Variants in ZBTB8OS observed in about 807,000 individuals in gnomAD.
ZBTB8OS encodes tRNA-splicing ligase-activating factor archease.
ZBTB8OS carries 16 observed loss-of-function variants against 29.3 expected under a neutral mutation model. That is an observed-to-expected ratio of 0.55 (90% CI 0.37 to 0.83). The LOEUF (loss-of-function observed/expected upper bound fraction) is 0.83. ZBTB8OS is among the 40% of genes least tolerant of loss of function. ZBTB8OS has a pLI of 0.00. For missense variants in ZBTB8OS, 160 were observed against 196.9 expected (o/e 0.81, Z 1.12); for synonymous variants, 70 against 64.6 (o/e 1.08, Z -0.40).
chr1:32,630,509 C>T (rs919796517), intron 5 of ZBTB8OS, among the ~76,000 whole-genome samples: 2 of 152,040 alleles, frequency 1.3e-5, no homozygotes, highest in African/African-American at 2.4e-5. Context: ...GCCATGATTA[C>T]ACCACTGCAC....
In ZBTB8OS at chr1:32,631,305, T is replaced by C. The variant is rs189581073; in HGVS notation, c.380+522A>G. On this transcript the variant is annotated intron_variant, in intron 5 of 6. Transcript: ENST00000468695. ...AGGAGGCTGAAGCTGCAGTGAGCCA[T>C]GACCACACCACTGTACTCCAGCCTG... Among the ~76,000 whole-genome samples, 716 of 143,942 alleles carry C rather than the reference T, an allele frequency of 5.0e-3. 6 individuals are homozygous for C. Among genetic ancestry groups the C allele is most frequent in the Non-Finnish European group, 7.8e-3 (520 of 66,862 alleles). The allele number at this position is 143,942 out of a possible 152,430, so 94.4% of individuals were successfully genotyped here.
intron 1 of ZBTB8OS, among the ~76,000 whole-genome samples, chr1:32,638,936 A>T (rs1646199078): frequency 6.6e-6 from 1 of 151,964 alleles, no homozygotes. Context: ...AACAATAATA[A>T]TCATTCCATT....
intron 6 of ZBTB8OS, among the ~76,000 whole-genome samples, chr1:32,625,657 A>C (rs1048579811): frequency 3.3e-5 from 5 of 152,174 alleles, no homozygotes; most frequent in African/African-American, 1.2e-4. Context: ...GGATTGCTTG[A>C]GACTAGGAGT....
rs1450271926 is a variant in ZBTB8OS at position 32,620,857 on chromosome 1, CA to C, written c.*1004del. 1 of 152,126 alleles carries C rather than the reference CA, an allele frequency of 6.6e-6. No individual in the cohort carries two copies. Among genetic ancestry groups the C allele is most frequent in the Non-Finnish European group, 1.5e-5 (1 of 68,026 alleles). 9.4% of individuals were successfully genotyped at this position (152,126 alleles called of 1,614,324 possible). ...TCTCCTTTTATTCTCTAGTTATAAA[CA>C]TGTACTCACTTTCAAATAAAATTCT... On this transcript the variant is annotated 3_prime_UTR_variant, in exon 7 of 7. Coordinates refer to ENST00000468695, the MANE Select transcript of ZBTB8OS (RefSeq NM_178547.5).
intron 1 of ZBTB8OS, among the ~76,000 whole-genome samples, chr1:32,637,226 G>A (rs781339062): frequency 2.6e-4 from 40 of 151,966 alleles, no homozygotes; most frequent in Admixed American, 6.6e-4. Flanking sequence ...TCTGAGTAAC[G>A]TCGAGTTGTA....
At chr1:32,648,130 A>G (rs538266304) in intron 1 of ZBTB8OS, among the ~76,000 whole-genome samples, 1 of 152,366 alleles carries the variant, frequency 6.6e-6, no homozygotes, top group East Asian at 1.9e-4. Context: ...AAACAGTATA[A>G]TATGTTCAAC....
rs371680146 is a variant in ZBTB8OS at position 32,630,948 on chromosome 1, G to A, written c.380+879C>T. Among the ~76,000 whole-genome samples the A allele has an allele frequency of 5.3e-5, 8 of 152,166 alleles. No homozygotes were observed. The East Asian group carries it at 7.7e-4, about 15-fold the overall frequency. On this transcript the variant is annotated intron_variant, in intron 5 of 6. Coordinates refer to ENST00000468695, the MANE Select transcript of ZBTB8OS (RefSeq NM_178547.5). ...GAATCGCTTGAACCCAGGAGGTGGA[G>A]GTTGCAGTGAGCTGAGATCACACAC...
intron 6 of ZBTB8OS, 88 bp downstream of exon 6, chr1:32,627,420 T>C: frequency 8.4e-7 from 1 of 1,192,856 alleles, no homozygotes; most frequent in Non-Finnish European, 1.2e-6. Context: ...TTACACCAGT[T>C]AGAACTAACT....
At chr1:32,642,154 A>G (rs1646460157) in intron 1 of ZBTB8OS, among the ~76,000 whole-genome samples, 1 of 152,162 alleles carries the variant, frequency 6.6e-6, no homozygotes. Context: ...ACAAGATACA[A>G]CACAAGGAAG....
At chr1:32,628,119 T>G (rs1398601211) in intron 5 of ZBTB8OS, among the ~76,000 whole-genome samples, 1 of 128,418 alleles carries the variant, frequency 7.8e-6, no homozygotes, top group African/African-American at 3.0e-5. Flanking sequence ...CCGAAGCAGG[T>G]GGATCATCTG....
At chr1:32,628,468 C>A (rs752853635) in intron 5 of ZBTB8OS, among the ~76,000 whole-genome samples, 3 of 150,964 alleles carry the variant, frequency 2.0e-5, no homozygotes, top group Non-Finnish European at 2.9e-5. Context: ...GAAACTCTGT[C>A]TCTACTAAAA....
intron 4 of ZBTB8OS, among the ~76,000 whole-genome samples, chr1:32,632,727 A>G (rs2148366189): frequency 6.6e-6 from 1 of 152,352 alleles, no homozygotes; most frequent in East Asian, 1.9e-4. Context: ...ATATGAGTCA[A>G]AAGAATTTCT....
At chr1:32,648,910 C>T (rs374938726) in intron 1 of ZBTB8OS, among the ~76,000 whole-genome samples, 2 of 150,718 alleles carry the variant, frequency 1.3e-5, no homozygotes, top group African/African-American at 2.4e-5. Flanking sequence ...GTGATCCACC[C>T]GCCTCAACCT....
intron 1 of ZBTB8OS, among the ~76,000 whole-genome samples, chr1:32,642,531 G>A (rs1285175279): frequency 6.6e-6 from 1 of 150,700 alleles, no homozygotes; most frequent in African/African-American, 2.4e-5. Context: ...AAAAGAAATG[G>A]CCCGGCAAAG....
rs774179753 is a variant in ZBTB8OS, at chr1:32,650,533, T to G, written c.-4A>C. The G allele has an allele frequency of 3.1e-6, 5 of 1,614,178 alleles. No individual in the cohort carries two copies. The highest frequency in any genetic ancestry group is 3.3e-5 in the Admixed American group (2 of 60,010). On this transcript the variant is annotated 5_prime_UTR_variant, in exon 1 of 7. Coordinates refer to ENST00000468695, the MANE Select transcript of ZBTB8OS (RefSeq NM_178547.5). Reference sequence around the variant, plus strand: ...CATCTTCCTCTTCCTGCGCCATGACTGCAGGATTAGACACTCTACTTCCGC... The same window carrying G: ...CATCTTCCTCTTCCTGCGCCATGACGGCAGGATTAGACACTCTACTTCCGC...
Position 32,633,980 on chromosome 1 carries a change from G to C in ZBTB8OS, c.215C>G (p.Pro72Arg). ...GYMTDTGTVE[P>R]LQTVEVETQG... ...GGTTTCTACTTCTACTGTTTGGAGG[G>C]GCTCCACTGTCCCAGTATCTGTCAT... The change falls in exon 3 of 7, where the codon CCC becomes CGC. Residue 72 changes from proline to arginine, a missense_variant. By Grantham distance (103) the Pro-to-Arg change is moderately radical. Coordinates refer to ENST00000468695, the MANE Select transcript of ZBTB8OS (RefSeq NM_178547.5). 1.3e-6 allele frequency: 2 copies of C among 1,589,706 alleles called. No homozygotes were observed. Among genetic ancestry groups the C allele is most frequent in the Non-Finnish European group, 1.7e-6 (2 of 1,173,994 alleles).
chr1:32,621,161 G>A lies in ZBTB8OS; in HGVS notation c.*701C>T, dbSNP rs566726622. 1 of 152,182 alleles carries A rather than the reference G, an allele frequency of 6.6e-6. No homozygotes were observed. Among genetic ancestry groups the A allele is most frequent in the Non-Finnish European group, 1.5e-5 (1 of 68,048 alleles). The allele number at this position is 152,182 out of a possible 1,614,324, so 9.4% of individuals were successfully genotyped here. A position where few individuals can be genotyped will look rare whatever the true frequency, so the allele number is the denominator to read the frequency against. On this transcript the variant is annotated 3_prime_UTR_variant, in exon 7 of 7. Transcript: ENST00000468695. ...CATGCCTGTAATCGCAGTACCTTGG[G>A]AGGCCAAGGTGGGCGGATCACAAGG...
At position 32,641,941 on chromosome 1, in the gene ZBTB8OS, A is replaced by G. The variant is rs954877412; in HGVS notation, c.98-7149T>C. Among the ~76,000 whole-genome samples, 5 of 152,070 alleles carry G rather than the reference A, an allele frequency of 3.3e-5. No individual in the cohort carries two copies. In the East Asian group the frequency reaches 7.9e-4, roughly 24 times the overall value. Reference sequence around the variant, plus strand: ...GAGACTGTCTCAAACAAAACAAAACAAAACAAAACCTTTGTACATACTTCC... The same window carrying G: ...GAGACTGTCTCAAACAAAACAAAACGAAACAAAACCTTTGTACATACTTCC... On this transcript the variant is annotated intron_variant, in intron 1 of 6. Coordinates refer to ENST00000468695, the MANE Select transcript of ZBTB8OS (RefSeq NM_178547.5).
At chr1:32,643,977 G>C (rs1646638054) in intron 1 of ZBTB8OS, among the ~76,000 whole-genome samples, 1 of 151,810 alleles carries the variant, frequency 6.6e-6, no homozygotes, top group Non-Finnish European at 1.5e-5. Context: ...ATTAGCCGGC[G>C]ACCTAGAGAC....
Sources: gnomAD v4.1 joint callset for allele counts (sites outside exome capture counted in the v4.1 genomes callset) on GRCh38, gnomAD v4.1.1 for gene constraint, MANE v1.5 for transcripts, NCBI Gene and HGNC (gene_info 2026-07-23, HGNC 2026-07-21) for gene names.